The following DGLUCY variants were observed in gnomAD, a reference collection of about 807,000 sequenced individuals.
The protein encoded by DGLUCY is D-glutamate cyclase.
In DGLUCY, 58 loss-of-function variants were observed where a neutral mutation model predicts 58.5. The ratio of observed to expected loss-of-function variants is 0.99; its 90% CI spans 0.80 to 1.23. The LOEUF (loss-of-function observed/expected upper bound fraction) is 1.23. Among genes scored for constraint, DGLUCY ranks in the 50% most tolerant of loss-of-function variants. The pLI, the probability that DGLUCY is intolerant of heterozygous loss-of-function variation, is 0.00. For synonymous variants in DGLUCY, 325 were observed against 314.1 expected (o/e 1.03, Z -0.37); for missense variants, 779 against 784.7 (o/e 0.99, Z 0.09).
intron 1 of DGLUCY, among the ~76,000 whole-genome samples, chr14:91,157,263 A>G (rs150541862): frequency 2.0e-4 from 5 of 24,494 alleles, no homozygotes; most frequent in African/African-American, 3.0e-4. Flanking sequence ...GGATGAATGA[A>G]TGGGTGGATG....
chr14:91,115,643 C>G (rs2044881683), intron 1 of DGLUCY, among the ~76,000 whole-genome samples: 1 of 152,172 alleles, frequency 6.6e-6, no homozygotes, highest in African/African-American at 2.4e-5. Flanking sequence ...AGGCTGAGCT[C>G]AAGCCATCCA....
At chr14:91,183,502 C>T (rs1182658432) in intron 8 of DGLUCY, among the ~76,000 whole-genome samples, 1 of 152,176 alleles carries the variant, frequency 6.6e-6, no homozygotes, top group Non-Finnish European at 1.5e-5. Flanking sequence ...GTTTCTTCAT[C>T]AGCGTAACAG....
intron 1 of DGLUCY, among the ~76,000 whole-genome samples, chr14:91,123,107 C>T (rs995457104): frequency 1.3e-5 from 2 of 152,056 alleles, no homozygotes; most frequent in African/African-American, 4.8e-5. Flanking sequence ...GAACTCTGTT[C>T]GGCCCACACC....
chr14:91,167,700 T>A (rs1198697188), intron 4 of DGLUCY: 1 of 699,544 alleles, frequency 1.4e-6, no homozygotes, highest in Middle Eastern at 2.3e-4. Flanking sequence ...AAGAAGAAAA[T>A]AAAAAACACT....
chr14:91,064,950 A>G (rs1195392206), intron 1 of DGLUCY, among the ~76,000 whole-genome samples: 1 of 152,238 alleles, frequency 6.6e-6, no homozygotes, highest in East Asian at 1.9e-4. Flanking sequence ...GGAGGGATCC[A>G]GGGAGTTTTT....
intron 1 of DGLUCY, among the ~76,000 whole-genome samples, chr14:91,070,440 A>T (rs555869704): frequency 2.6e-5 from 4 of 152,314 alleles, no homozygotes; most frequent in Non-Finnish European, 4.4e-5. Flanking sequence ...GATTGCCTCA[A>T]AGTCCTTCTT....
At chr14:91,173,552 GTC>G (rs1363939169) in intron 6 of DGLUCY, 113 bp downstream of exon 6, 6 of 1,364,236 alleles carry the variant, frequency 4.4e-6, no homozygotes, top group Non-Finnish European at 5.8e-6. Flanking sequence ...CCAGGTCAGT[GTC>G]TCTCGCTCCT....
intron 1 of DGLUCY, among the ~76,000 whole-genome samples, chr14:91,068,506 TA>T (rs2140023431): frequency 6.6e-6 from 1 of 152,184 alleles, no homozygotes; most frequent in Admixed American, 6.5e-5. Flanking sequence ...CCGTCTGTAC[TA>T]AAAATACAAA....
rs751794100 is a variant in DGLUCY, at chr14:91,175,945, A to T, written c.619A>T (p.Ile207Phe). The change falls in exon 7 of 14, where the codon ATC becomes TTC. Residue 207 changes from isoleucine (I) to phenylalanine (F), a missense_variant. By Grantham distance (21) the Ile-to-Phe change is conservative. Coordinates refer to ENST00000256324, the MANE Select transcript of DGLUCY (RefSeq NM_001102368.3). ...VHMGDPELLG[I>F]KELSKPAYGD... ...TTTTCCATCTGCAGAACTGTTGGGA[A>T]TCAAAGAGCTTTCCAAACCTGCCTA... 1 of 1,613,894 alleles carries T rather than the reference A, an allele frequency of 6.2e-7. No individual in the cohort carries two copies. Among genetic ancestry groups the T allele is most frequent in the Non-Finnish European group, 8.5e-7 (1 of 1,179,822 alleles).
intron 12 of DGLUCY, among the ~76,000 whole-genome samples, chr14:91,205,964 C>T (rs1323791433): frequency 1.3e-5 from 2 of 150,378 alleles, no homozygotes; most frequent in Admixed American, 6.7e-5. Context: ...CTCAGCCTCC[C>T]GAGTAGCTGG....
chr14:91,194,928 C>T (rs957128497), intron 9 of DGLUCY, among the ~76,000 whole-genome samples: 1 of 152,178 alleles, frequency 6.6e-6, no homozygotes, highest in Non-Finnish European at 1.5e-5. Context: ...TGGCAGCTCC[C>T]AAAGAGCTCA....
rs767205704 is a variant in DGLUCY, at chr14:91,169,991, T to G, written c.258-12T>G. The G allele has an allele frequency of 1.1e-5, 17 of 1,611,558 alleles. No individual in the cohort carries two copies. In the South Asian group the frequency reaches 1.5e-4, roughly 15 times the overall value. On this transcript the variant is annotated splice_polypyrimidine_tract_variant and intron_variant, in intron 4 of 13. Coordinates refer to ENST00000256324, the MANE Select transcript of DGLUCY (RefSeq NM_001102368.3). ...GTCTGGGGCCCTCCCAGCTTTCCCC[T>G]TATGTCCCCAGGATGGGCCATCCCC...
intron 1 of DGLUCY, among the ~76,000 whole-genome samples, chr14:91,153,435 G>A (rs10137173): frequency 0.2 from 30,761 of 152,070 alleles, 3,687 homozygotes; most frequent in Non-Finnish European, 0.26. Context: ...CGCCCACCTC[G>A]GCCTCTCAAA....
At chr14:91,147,356 A>T (rs1272057116) in intron 1 of DGLUCY, among the ~76,000 whole-genome samples, 4 of 152,318 alleles carry the variant, frequency 2.6e-5, no homozygotes, top group African/African-American at 9.6e-5. Flanking sequence ...TAACCCAGAA[A>T]GCCGAGCAAG....
intron 1 of DGLUCY, among the ~76,000 whole-genome samples, chr14:91,094,823 C>CAA (rs751631848): frequency 7.6e-6 from 1 of 130,910 alleles, no homozygotes; most frequent in Non-Finnish European, 1.7e-5. Context: ...AACTCTCTCT[C>CAA]AAAAAAAAAA....
chr14:91,072,323 CA>C (rs113763715), intron 1 of DGLUCY, among the ~76,000 whole-genome samples: 42,495 of 129,430 alleles, frequency 0.33, 5,924 homozygotes, highest in Middle Eastern at 0.38. Flanking sequence ...GACTCTGTCT[CA>C]AAAAAAAAAA....
chr14:91,149,738 G>A (rs764180335), intron 1 of DGLUCY, among the ~76,000 whole-genome samples: 1 of 152,246 alleles, frequency 6.6e-6, no homozygotes, highest in Non-Finnish European at 1.5e-5. Flanking sequence ...AGAAGGGTTG[G>A]CCTTTCTTGC....
upstream of DGLUCY, among the ~76,000 whole-genome samples, chr14:91,106,717 A>AC (rs1488151259): frequency 1.3e-5 from 2 of 151,812 alleles, no homozygotes; most frequent in African/African-American, 2.4e-5. Context: ...AAAAAAAAAA[A>AC]AAAACTCACT....
intron 1 of DGLUCY, among the ~76,000 whole-genome samples, chr14:91,138,881 G>A (rs999547981): frequency 2.0e-5 from 3 of 152,022 alleles, no homozygotes; most frequent in Admixed American, 6.6e-5. Flanking sequence ...ATTGGCCTTC[G>A]AGACCATGAG....
Sources: gnomAD v4.1 joint callset for allele counts (sites outside exome capture counted in the v4.1 genomes callset) on GRCh38, gnomAD v4.1.1 for gene constraint, MANE v1.5 for transcripts, NCBI Gene and HGNC (gene_info 2026-07-23, HGNC 2026-07-21) for gene names.